The following MAP7D1 variants were observed in gnomAD, a reference collection of about 807,000 sequenced individuals.
MAP7D1 encodes the protein MAP7 domain-containing protein 1.
MAP7D1 carries 30 observed loss-of-function variants against 97.5 expected under a neutral mutation model. The observed-to-expected ratio is 0.31, with a 90% CI of 0.23 to 0.42. MAP7D1 has a LOEUF of 0.42. Among genes scored for constraint, MAP7D1 ranks in the 10% least tolerant of loss-of-function variants. The pLI is 1.00. For synonymous variants in MAP7D1, 536 were observed against 477.1 expected (o/e 1.12, Z -1.61); for missense variants, 1,184 against 1,179.5 (o/e 1.00, Z -0.06).
intron 14 of MAP7D1, 45 bp from the exon 15 acceptor site, chr1:36,179,621 T>G: frequency 6.5e-7 from 1 of 1,548,690 alleles, no homozygotes; most frequent in Non-Finnish European, 8.7e-7. Flanking sequence ...CATCCTCACC[T>G]CTCTTGCCAG....
intron 1 of MAP7D1, among the ~76,000 whole-genome samples, chr1:36,157,846 A>C (rs1172491379): frequency 6.6e-6 from 1 of 152,146 alleles, no homozygotes; most frequent in Non-Finnish European, 1.5e-5. Context: ...GGCTACCATC[A>C]GACTGGTGGG....
chr1:36,170,859 C>T (rs575096333), intron 1 of MAP7D1, 112 bp from the exon 2 acceptor site: 5 of 656,210 alleles, frequency 7.6e-6, no homozygotes, highest in Non-Finnish European at 1.4e-5. Flanking sequence ...ATAGAAATAA[C>T]TCAAACATAA....
intron 8 of MAP7D1, chr1:36,177,367 C>T: frequency 2.9e-6 from 1 of 339,210 alleles, no homozygotes; most frequent in South Asian, 2.3e-5. Context: ...CAGTGAATAC[C>T]TACTGAAGGG....
At chr1:36,175,169 C>T (rs981129690) in intron 6 of MAP7D1, among the ~76,000 whole-genome samples, 161 bp downstream of exon 6, 2 of 152,188 alleles carry the variant, frequency 1.3e-5, no homozygotes, top group African/African-American at 4.8e-5. Flanking sequence ...TCGGGGGAGC[C>T]GGCATATGGG....
At position 36,178,686 on chromosome 1, in the gene MAP7D1, C is replaced by T; in HGVS notation, c.1888C>T (p.Arg630Ter). Residue 630 changes from arginine (R) to a stop codon, truncating the protein, a stop_gained and splice_region_variant, in exon 11 of 17, where the codon CGA becomes TGA. Coordinates refer to ENST00000474796, the MANE Select transcript of MAP7D1 (RefSeq NM_001388490.1). LOFTEE classifies it high-confidence loss of function. ...TGAGCCGTTTGCTCCGTCCCCCAGG[C>T]GAATGCGAGAGGAGCAGCTGGCACG... ...ERRLQAERDKRMREEQLAREA... is the reference protein window; with the variant it reads ...ERRLQAERDK 6.5e-7 allele frequency: 1 copy of T among 1,529,106 alleles called. No individual in the cohort carries two copies. The highest frequency in any genetic ancestry group is 8.8e-7 in the Non-Finnish European group (1 of 1,138,278). The allele number at this position is 1,529,106 out of a possible 1,614,324, so 94.7% of individuals were successfully genotyped here. A position where few individuals can be genotyped will look rare whatever the true frequency, so the allele number is the denominator to read the frequency against.
chr1:36,163,195 T>G (rs1644434890), intron 1 of MAP7D1, among the ~76,000 whole-genome samples: 1 of 152,180 alleles, frequency 6.6e-6, no homozygotes, highest in East Asian at 1.9e-4. Context: ...CAGCCCCTCT[T>G]GGAGCTCTTA....
chr1:36,163,817 C>CTTTTTTT (rs869169250), intron 1 of MAP7D1, among the ~76,000 whole-genome samples: 42 of 86,838 alleles, frequency 4.8e-4, no homozygotes, highest in African/African-American at 1.4e-3. Context: ...TACTTTTTTT[C>CTTTTTTT]TTTTTTTTTT....
chr1:36,174,415 T>C (rs907744404), intron 5 of MAP7D1, among the ~76,000 whole-genome samples: 2 of 152,250 alleles, frequency 1.3e-5, no homozygotes, highest in East Asian at 3.9e-4. Context: ...TCTATATGCC[T>C]GTGTCTGCAT....
chr1:36,161,863 A>G (rs901548665), intron 1 of MAP7D1, among the ~76,000 whole-genome samples: 7 of 137,846 alleles, frequency 5.1e-5, no homozygotes, highest in Admixed American at 1.5e-4. Context: ...TTTCCTCTGC[A>G]TGTGTGTGTG....
In MAP7D1 at chr1:36,174,334, A is replaced by G. The variant is rs371400862; in HGVS notation, c.740-564A>G. On this transcript the variant is annotated intron_variant, in intron 5 of 16. Coordinates refer to ENST00000474796, the MANE Select transcript of MAP7D1 (RefSeq NM_001388490.1). ...TGTGTGCATCTGGGTCTGACACACT[A>G]TCTGTTAGTGTTTGTGTCTCTGTCC... 3.3e-5 allele frequency among the ~76,000 whole-genome samples: 5 copies of G among 152,250 alleles called. No individual in the cohort carries two copies. The East Asian group carries it at 9.6e-4, about 29-fold the overall frequency.
At position 36,171,461 on chromosome 1, in the gene MAP7D1, T is replaced by C. The variant is rs921363159; in HGVS notation, c.392-52T>C. ...CCGGAGGGAGGGATCTGAGGCTGAC[T>C]CCTCTTTGGGGACAGCCTTTTGACC... On this transcript the variant is annotated intron_variant, in intron 2 of 16. Transcript: ENST00000474796. 6 of 1,595,846 alleles carry C rather than the reference T, an allele frequency of 3.8e-6. No homozygotes were observed. The African/African-American group carries it at 6.7e-5, about 18-fold the overall frequency.
chr1:36,165,618 T>C (rs977344325), intron 1 of MAP7D1, among the ~76,000 whole-genome samples: 1 of 152,032 alleles, frequency 6.6e-6, no homozygotes, highest in Non-Finnish European at 1.5e-5. Flanking sequence ...AATCTCACTA[T>C]GTTGTCCAGG....
In MAP7D1 at chr1:36,178,335, C is replaced by T. The variant is rs1260978106; in HGVS notation, c.1709-84C>T. ...AGAGGAGACTCCTGCCCTCAGCAGT[C>T]CCAGGCCCAGAACACAGGCCGCTGG... On this transcript the variant is annotated intron_variant, in intron 9 of 16. Coordinates refer to ENST00000474796, the MANE Select transcript of MAP7D1 (RefSeq NM_001388490.1). 8 of 1,501,982 alleles carry T rather than the reference C, an allele frequency of 5.3e-6. No individual in the cohort carries two copies. In the Admixed American group the frequency reaches 1.5e-4, roughly 28 times the overall value. 93.0% of individuals were successfully genotyped at this position (1,501,982 alleles called of 1,614,324 possible).
At chr1:36,165,083 A>G (rs997046588) in intron 1 of MAP7D1, among the ~76,000 whole-genome samples, 4 of 152,186 alleles carry the variant, frequency 2.6e-5, no homozygotes, top group Non-Finnish European at 5.9e-5. Context: ...ATCTAGTTGG[A>G]ACTGGGAGGG....
At position 36,178,143 on chromosome 1, in the gene MAP7D1, G is replaced by A. The variant is rs1300716015; in HGVS notation, c.1650G>A (p.Ala550=). 6.3e-7 allele frequency: 1 copy of A among 1,581,002 alleles called. No individual in the cohort carries two copies. Among genetic ancestry groups the A allele is most frequent in the Non-Finnish European group, 8.6e-7 (1 of 1,164,906 alleles). The part of the protein sequence containing the change: ...AAPASPAPSP[A]PSPTPAPPQK... Reference sequence around the variant, plus strand: ...CAGCCTCACCGGCACCTTCGCCGGCGCCCTCGCCCACCCCAGCCCCGCCCC... The same window carrying A: ...CAGCCTCACCGGCACCTTCGCCGGCACCCTCGCCCACCCCAGCCCCGCCCC... Residue 550 remains alanine, a synonymous_variant, in exon 9 of 17, where the codon GCG becomes GCA. Coordinates refer to ENST00000474796, the MANE Select transcript of MAP7D1 (RefSeq NM_001388490.1).
At chr1:36,177,845 A>C in intron 8 of MAP7D1, 28 bp from the exon 9 acceptor site, 1 of 1,524,668 alleles carries the variant, frequency 6.6e-7, no homozygotes, top group Non-Finnish European at 8.8e-7. Context: ...TGTGTCTCCT[A>C]ACCCTTCCCT....
At chr1:36,172,035 T>G (rs920131929) in intron 3 of MAP7D1, 1 of 174,514 alleles carries the variant, frequency 5.7e-6, no homozygotes, top group African/African-American at 2.4e-5. Context: ...CTCAACCCAT[T>G]TTGAGGAGGA....
Position 36,156,194 on chromosome 1 carries a change from C to G in MAP7D1, c.-224C>G, listed in dbSNP as rs1307207658. ...AGGCCGGGACTGGGCCGGCGCCGGG[C>G]GGGGAACGGGTTCGCGACCGCAGCC... is the stretch of plus-strand genomic sequence containing the variant. On this transcript the variant is annotated 5_prime_UTR_variant, in exon 1 of 17. Transcript: ENST00000474796. The G allele has an allele frequency of 4.7e-6, 2 of 423,836 alleles. No homozygotes were observed. Among genetic ancestry groups the G allele is most frequent in the South Asian group, 6.0e-5 (1 of 16,700 alleles). 26.3% of individuals were successfully genotyped at this position (423,836 alleles called of 1,614,324 possible). A position where few individuals can be genotyped will look rare whatever the true frequency, so the allele number is the denominator to read the frequency against.
At chr1:36,166,556 A>G (rs1325763537) in intron 1 of MAP7D1, among the ~76,000 whole-genome samples, 1 of 151,838 alleles carries the variant, frequency 6.6e-6, no homozygotes, top group East Asian at 1.9e-4. Context: ...TGCCTGGCTA[A>G]TTTTTTGTGT....
Sources: gnomAD v4.1 joint callset for allele counts (sites outside exome capture counted in the v4.1 genomes callset) on GRCh38, gnomAD v4.1.1 for gene constraint, MANE v1.5 for transcripts, NCBI Gene and HGNC (gene_info 2026-07-23, HGNC 2026-07-21) for gene names.